The following LIX1 variants were observed in gnomAD, a reference collection of about 807,000 sequenced individuals.
LIX1 encodes the protein protein limb expression 1 homolog.
In LIX1, 24 loss-of-function variants were observed where a neutral mutation model predicts 33.4. The ratio of observed to expected loss-of-function variants is 0.72; its 90% CI spans 0.52 to 1.01. The LOEUF (loss-of-function observed/expected upper bound fraction) is 1.01, where lower values mean the gene tolerates loss of function less well. Ranked by LOEUF, LIX1 falls within the 50% of genes least tolerant of loss-of-function variation. LIX1 has a pLI of 0.00. For missense variants in LIX1, 311 were observed against 339.2 expected, an observed-to-expected ratio of 0.92 and a Z score of 0.65; for synonymous variants, 124 against 124.0, an observed-to-expected ratio of 1.00 and a Z score of 0.00.
intron 1 of LIX1, among the ~76,000 whole-genome samples, chr5:97,133,818 T>C (rs931972103): frequency 2.3e-4 from 35 of 152,244 alleles, no homozygotes; most frequent in Non-Finnish European, 8.8e-5. Context: ...CATGAGGAGC[T>C]AATTTTATTT....
At chr5:97,137,187 T>A (rs1748190831) in intron 1 of LIX1, 1 of 423,772 alleles carries the variant, frequency 2.4e-6, no homozygotes, top group African/African-American at 2.0e-5. Flanking sequence ...GACTAACAAA[T>A]CTTAACTGTT....
intron 2 of LIX1, among the ~76,000 whole-genome samples, chr5:97,122,772 T>C (rs1331685692): frequency 1.3e-5 from 2 of 152,206 alleles, no homozygotes; most frequent in African/African-American, 2.4e-5. Flanking sequence ...TGTGGTCCTA[T>C]TTTCACAAGC....
chr5:97,094,601 A>G lies in LIX1; in HGVS notation c.*147T>C, dbSNP rs886557336. 1.4e-6 allele frequency: 1 copy of G among 703,626 alleles called. No individual in the cohort carries two copies. The highest frequency in any genetic ancestry group is 2.3e-6 in the Non-Finnish European group (1 of 426,850). 43.6% of individuals were successfully genotyped at this position (703,626 alleles called of 1,614,324 possible). A position where few individuals can be genotyped will look rare whatever the true frequency, so the allele number is the denominator to read the frequency against. On this transcript the variant is annotated 3_prime_UTR_variant, in exon 6 of 6. Transcript: ENST00000274382. ...GTCTTGTAAGGGTCCTACGACTCTC[A>G]TACTCTGTAAATGGAATGTGTGGAG...
intron 1 of LIX1, among the ~76,000 whole-genome samples, chr5:97,138,810 C>T (rs1748223257): frequency 6.6e-6 from 1 of 152,170 alleles, no homozygotes; most frequent in South Asian, 2.1e-4. Context: ...AATCCAAAAA[C>T]CTAAAATCCA....
intron 4 of LIX1, among the ~76,000 whole-genome samples, chr5:97,102,286 C>A (rs769440220): frequency 3.9e-5 from 6 of 152,030 alleles, no homozygotes; most frequent in African/African-American, 4.8e-5. Context: ...TATTACCCAC[C>A]AGGGGTACTG....
chr5:97,111,518 AAACAACGTTTTTGCAAGTATTAC>A (rs1256425046), intron 2 of LIX1, among the ~76,000 whole-genome samples: 1 of 152,196 alleles, frequency 6.6e-6, no homozygotes, highest in Non-Finnish European at 1.5e-5. Flanking sequence ...ATTAAAAAGC[AAACAACGTTTTTGCAAGTATTAC>A]CTGACATCTG....
chr5:97,114,339 A>T (rs1198274825), intron 2 of LIX1, among the ~76,000 whole-genome samples: 1 of 152,166 alleles, frequency 6.6e-6, no homozygotes, highest in East Asian at 1.9e-4. Context: ...TCTGTACTAA[A>T]ATTCAAAAAC....
intron 2 of LIX1, among the ~76,000 whole-genome samples, chr5:97,120,166 A>C (rs1007969601): frequency 2.6e-5 from 4 of 152,210 alleles, no homozygotes; most frequent in African/African-American, 9.6e-5. Context: ...AGCTGATTTT[A>C]CTGTTACTGA....
intron 5 of LIX1, 130 bp from the exon 6 acceptor site, chr5:97,095,165 T>A: frequency 1.1e-6 from 1 of 926,600 alleles, no homozygotes; most frequent in Non-Finnish European, 1.6e-6. Context: ...GTTCAAAAAC[T>A]GAAACCAAAA....
At chr5:97,109,181 G>T (rs905847602) in intron 2 of LIX1, among the ~76,000 whole-genome samples, 2 of 152,106 alleles carry the variant, frequency 1.3e-5, no homozygotes, top group African/African-American at 4.8e-5. Flanking sequence ...CCTATATATT[G>T]TAAAGACCGT....
At chr5:97,098,607 G>A (rs944746691) in intron 4 of LIX1, among the ~76,000 whole-genome samples, 4 of 152,190 alleles carry the variant, frequency 2.6e-5, no homozygotes, top group Non-Finnish European at 5.9e-5. Context: ...GCTTTTAGCT[G>A]GGCACGGTGG....
intron 4 of LIX1, chr5:97,103,089 A>G (rs1293218115): frequency 2.2e-6 from 1 of 452,012 alleles, no homozygotes; most frequent in East Asian, 7.0e-5. Context: ...CAGACTTCAC[A>G]CATAGGTCTG....
Position 97,106,704 on chromosome 5 carries a change from T to C in LIX1, c.387+656A>G, listed in dbSNP as rs139018539. 4.8e-3 allele frequency among the ~76,000 whole-genome samples: 732 copies of C among 152,134 alleles called. 12 individuals are homozygous for C. Among genetic ancestry groups the C allele is most frequent in the African/African-American group, 0.016 (680 of 41,384 alleles). Reference sequence around the variant, plus strand: ...TTCATGGGACAAATATCCTGTCTTATATTGCTTAAAAAAAAATCCTATCTA... The same window carrying C: ...TTCATGGGACAAATATCCTGTCTTACATTGCTTAAAAAAAAATCCTATCTA... On this transcript the variant is annotated intron_variant, in intron 3 of 5. Coordinates refer to ENST00000274382, the MANE Select transcript of LIX1 (RefSeq NM_153234.5).
intron 2 of LIX1, among the ~76,000 whole-genome samples, chr5:97,112,208 T>TA (rs1245938431): frequency 3.3e-5 from 5 of 152,236 alleles, no homozygotes; most frequent in Non-Finnish European, 1.5e-5. Flanking sequence ...TAAGAATCTT[T>TA]ACTGGGGGAA....
In LIX1 at chr5:97,142,489, A is replaced by G; in HGVS notation, c.82+6T>C. ...GTCAAAAAACTTTTCCCCCTTCAGT[A>G]CTTACAGTCTTTGAAGACTAGAGCC... is the stretch of plus-strand genomic sequence containing the variant. On this transcript the variant is annotated splice_donor_region_variant and intron_variant, in intron 1 of 5. Coordinates refer to ENST00000274382, the MANE Select transcript of LIX1 (RefSeq NM_153234.5). The G allele has an allele frequency of 6.2e-7, 1 of 1,608,134 alleles. No individual in the cohort carries two copies. The highest frequency in any genetic ancestry group is 8.5e-7 in the Non-Finnish European group (1 of 1,174,496).
chr5:97,129,972 T>A (rs1748018868), intron 1 of LIX1, among the ~76,000 whole-genome samples: 1 of 152,258 alleles, frequency 6.6e-6, no homozygotes, highest in African/African-American at 2.4e-5. Flanking sequence ...TTTGCACATT[T>A]TCAAACAAGT....
chr5:97,124,888 C>T (rs1189503331), intron 1 of LIX1, among the ~76,000 whole-genome samples: 1 of 151,974 alleles, frequency 6.6e-6, no homozygotes, highest in Non-Finnish European at 1.5e-5. Context: ...GAGTAAGGCT[C>T]AAGAAGTGGT....
intron 2 of LIX1, among the ~76,000 whole-genome samples, chr5:97,110,472 C>G (rs1201578599): frequency 2.6e-5 from 4 of 152,004 alleles, no homozygotes; most frequent in Non-Finnish European, 5.9e-5. Flanking sequence ...GAGTTTCACT[C>G]TTGTTGCCCA....
chr5:97,107,555 C>CA, intron 2 of LIX1, 55 bp from the exon 3 acceptor site: 1 of 1,575,472 alleles, frequency 6.3e-7, no homozygotes, highest in South Asian at 1.1e-5. Flanking sequence ...TTCACCATTC[C>CA]ACTCCTGCAT....
Sources: gnomAD v4.1 joint callset for allele counts (sites outside exome capture counted in the v4.1 genomes callset) on GRCh38, gnomAD v4.1.1 for gene constraint, MANE v1.5 for transcripts, NCBI Gene and HGNC (gene_info 2026-07-23, HGNC 2026-07-21) for gene names.